Variants in PIP4K2A observed in about 807,000 individuals in gnomAD.
PIP4K2A encodes the protein phosphatidylinositol 5-phosphate 4-kinase type-2 alpha.
In PIP4K2A, 14 loss-of-function variants were observed where a neutral mutation model predicts 42.9. The ratio of observed to expected loss-of-function variants is 0.33; its 90% CI spans 0.22 to 0.51. PIP4K2A has a LOEUF of 0.51. PIP4K2A is among the 20% of genes least tolerant of loss of function. The pLI is 0.97. For synonymous variants in PIP4K2A, 192 were observed against 192.2 expected (o/e 1.00, Z 0.01); for missense variants, 434 against 519.8 (o/e 0.83, Z 1.61).
chr10:22,699,493 G>C (rs1323477815), intron 1 of PIP4K2A, among the ~76,000 whole-genome samples: 2 of 151,746 alleles, frequency 1.3e-5, no homozygotes, highest in Non-Finnish European at 2.9e-5. Context: ...AGATACCTGG[G>C]AATGTGCGAA....
At chr10:22,640,074 CCAAG>C (rs1356875627) in intron 1 of PIP4K2A, among the ~76,000 whole-genome samples, 1 of 144,120 alleles carries the variant, frequency 6.9e-6, no homozygotes, top group African/African-American at 2.6e-5. Context: ...TCAAGACATC[CCAAG>C]CAAAGGATTA....
At position 22,664,182 on chromosome 10, in the gene PIP4K2A, CAT is replaced by C. The variant is rs1266883536; in HGVS notation, c.144+49999_144+50000del. On this transcript the variant is annotated intron_variant, in intron 1 of 9. Transcript: ENST00000376573. ...ATATATATATACATATATATATATA[CAT>C]ATATATACATATATATATACATATA... 1.4e-3 allele frequency among the ~76,000 whole-genome samples: 62 copies of C among 43,504 alleles called. 4 individuals carry two copies. Among genetic ancestry groups the C allele is most frequent in the Admixed American group, 3.2e-3 (11 of 3,484 alleles). The allele number at this position is 43,504 out of a possible 152,430, so 28.5% of individuals were successfully genotyped here.
intron 3 of PIP4K2A, among the ~76,000 whole-genome samples, chr10:22,600,152 G>C (rs1280688693): frequency 6.6e-6 from 1 of 151,272 alleles, no homozygotes; most frequent in Non-Finnish European, 1.5e-5. Context: ...CAAGCATTTT[G>C]CATATTTAAT....
At chr10:22,684,813 C>T (rs762788740) in intron 1 of PIP4K2A, among the ~76,000 whole-genome samples, 4 of 152,158 alleles carry the variant, frequency 2.6e-5, no homozygotes, top group Non-Finnish European at 4.4e-5. Flanking sequence ...AGCATGTCAC[C>T]GCCCTGCCAA....
At chr10:22,562,314 C>T (rs901527535) in intron 6 of PIP4K2A, among the ~76,000 whole-genome samples, 4 of 152,110 alleles carry the variant, frequency 2.6e-5, no homozygotes, top group Admixed American at 1.3e-4. Flanking sequence ...TTTGGGAGGC[C>T]GAGGCGGGTG....
intron 3 of PIP4K2A, among the ~76,000 whole-genome samples, chr10:22,601,737 T>C (rs1406690408): frequency 6.6e-6 from 1 of 152,024 alleles, no homozygotes. Context: ...TCATTCAGAG[T>C]TGTGACCCAG....
chr10:22,647,836 T>C (rs1034649078), intron 1 of PIP4K2A, among the ~76,000 whole-genome samples: 4 of 152,204 alleles, frequency 2.6e-5, no homozygotes, highest in Admixed American at 6.5e-5. Flanking sequence ...TTTGGGATTT[T>C]ACACGGCAGA....
chr10:22,597,230 G>A (rs1837654707), intron 3 of PIP4K2A, among the ~76,000 whole-genome samples: 1 of 152,184 alleles, frequency 6.6e-6, no homozygotes, highest in South Asian at 2.1e-4. Context: ...TGTGTTTGTG[G>A]AATAAGCCTT....
intron 1 of PIP4K2A, among the ~76,000 whole-genome samples, chr10:22,688,336 G>A (rs531987053): frequency 1.4e-4 from 22 of 152,224 alleles, no homozygotes; most frequent in Middle Eastern, 3.4e-3. Flanking sequence ...ATAAACCTGC[G>A]CACATTCTCA....
intron 1 of PIP4K2A, among the ~76,000 whole-genome samples, chr10:22,682,046 C>A (rs1024392898): frequency 3.9e-5 from 6 of 151,950 alleles, no homozygotes; most frequent in Admixed American, 6.6e-5. Flanking sequence ...CGTGGCCACA[C>A]AAAAACAAGC....
In PIP4K2A at chr10:22,684,093, C is replaced by T. The variant is rs141566621; in HGVS notation, c.144+30090G>A. On this transcript the variant is annotated intron_variant, in intron 1 of 9. Transcript: ENST00000376573. ...TTTTTCCCCCCCTTAAATGCATTAC[C>T]TCACATCTGTCTGTATTACAATTTA... 9.9e-5 allele frequency among the ~76,000 whole-genome samples: 15 copies of T among 152,184 alleles called. No individual in the cohort carries two copies. The East Asian group carries it at 2.7e-3, about 27-fold the overall frequency.
intron 3 of PIP4K2A, among the ~76,000 whole-genome samples, chr10:22,600,090 A>G (rs1837721341): frequency 6.6e-6 from 1 of 152,122 alleles, no homozygotes; most frequent in Non-Finnish European, 1.5e-5. Context: ...TCTCTCTCAT[A>G]AAAGTGTCCT....
intron 1 of PIP4K2A, among the ~76,000 whole-genome samples, chr10:22,693,300 T>C (rs1402793567): frequency 1.3e-5 from 2 of 152,164 alleles, no homozygotes; most frequent in Non-Finnish European, 2.9e-5. Flanking sequence ...TTTTAGCTGA[T>C]TGCATTTTGC....
intron 1 of PIP4K2A, among the ~76,000 whole-genome samples, chr10:22,696,228 A>G (rs1445089766): frequency 6.6e-6 from 1 of 152,210 alleles, no homozygotes; most frequent in South Asian, 2.1e-4. Context: ...GCCCAAATAT[A>G]CCATCAACTT....
intron 1 of PIP4K2A, among the ~76,000 whole-genome samples, chr10:22,646,602 T>C (rs1003016150): frequency 6.6e-6 from 1 of 152,136 alleles, no homozygotes; most frequent in Non-Finnish European, 1.5e-5. Context: ...CTGCTGAGAA[T>C]AGTTGTTTAG....
At chr10:22,712,913 G>GGGGGGTGTGTGT (rs775265774) in intron 1 of PIP4K2A, among the ~76,000 whole-genome samples, 1 of 147,502 alleles carries the variant, frequency 6.8e-6, no homozygotes, top group African/African-American at 2.5e-5. Context: ...CTACATTGAG[G>GGGGGGTGTGTGT]GTGTGTGTGT....
At chr10:22,685,657 G>A (rs1270326159) in intron 1 of PIP4K2A, among the ~76,000 whole-genome samples, 1 of 152,190 alleles carries the variant, frequency 6.6e-6, no homozygotes. Flanking sequence ...GGAGATTGAG[G>A]CTGTGGTAAG....
At chr10:22,693,167 T>G (rs1839908483) in intron 1 of PIP4K2A, among the ~76,000 whole-genome samples, 1 of 152,230 alleles carries the variant, frequency 6.6e-6, no homozygotes. Context: ...CACAGATTTG[T>G]CAAGGTTGCT....
At chr10:22,664,168 C>CATATATATACACATAT (rs1839292298) in intron 1 of PIP4K2A, among the ~76,000 whole-genome samples, 1 of 30,228 alleles carries the variant, frequency 3.3e-5, no homozygotes, top group East Asian at 7.4e-4. Flanking sequence ...TATATATATA[C>CATATATATACACATAT]ATATATATAT....
Sources: allele counts gnomAD v4.1 joint callset (sites outside exome capture counted in the v4.1 genomes callset), GRCh38; gene constraint gnomAD v4.1.1; transcripts MANE v1.5; gene names NCBI Gene and HGNC (gene_info 2026-07-23, HGNC 2026-07-21).